PARN: variants seen among roughly 807,000 people sequenced by gnomAD.
PARN encodes poly(A)-specific ribonuclease, also known as poly(A)-specific ribonuclease PARN.
PARN carries 71 observed loss-of-function variants against 102.8 expected under a neutral mutation model. The ratio of observed to expected loss-of-function variants is 0.69; its 90% CI spans 0.57 to 0.84. The LOEUF (loss-of-function observed/expected upper bound fraction) is 0.84. PARN is among the 40% of genes least tolerant of loss of function. PARN has a pLI of 0.00. For synonymous variants in PARN, 261 were observed against 252.9 expected (o/e 1.03, Z -0.30); for missense variants, 782 against 760.9 (o/e 1.03, Z -0.33).
At chr16:14,622,916 C>T (rs1433649977) in intron 5 of PARN, among the ~76,000 whole-genome samples, 1 of 151,844 alleles carries the variant, frequency 6.6e-6, no homozygotes, top group Non-Finnish European at 1.5e-5. Flanking sequence ...CGAGCCAAGG[C>T]AACATGGTAA....
chr16:14,498,955 G>A (rs754055480), intron 21 of PARN, among the ~76,000 whole-genome samples: 1 of 152,194 alleles, frequency 6.6e-6, no homozygotes, highest in Non-Finnish European at 1.5e-5. Flanking sequence ...AACCCTGAAG[G>A]TCACCAAATG....
chr16:14,492,415 C>T (rs1964104668), intron 21 of PARN, among the ~76,000 whole-genome samples: 1 of 152,174 alleles, frequency 6.6e-6, no homozygotes, highest in Non-Finnish European at 1.5e-5. Flanking sequence ...GAGGTGTTTA[C>T]AGACAGCTTC....
At chr16:14,565,679 C>A (rs1229592393) in intron 18 of PARN, among the ~76,000 whole-genome samples, 1 of 152,216 alleles carries the variant, frequency 6.6e-6, no homozygotes, top group Admixed American at 6.5e-5. Flanking sequence ...GACACTAACA[C>A]TGTCTCTTAA....
At position 14,526,774 on chromosome 16, in the gene PARN, C is replaced by T. The variant is rs1012179388; in HGVS notation, c.1480+25247G>A. 2.6e-5 allele frequency among the ~76,000 whole-genome samples: 4 copies of T among 152,216 alleles called. No individual in the cohort carries two copies. In the South Asian group the frequency reaches 6.2e-4, roughly 24 times the overall value. Reference sequence around the variant, plus strand: ...TGCCTAACTATCCAGTACTTGGAGCCGTCCACGGTCACTGTGCCAGGGTTA... The same window carrying T: ...TGCCTAACTATCCAGTACTTGGAGCTGTCCACGGTCACTGTGCCAGGGTTA... On this transcript the variant is annotated intron_variant, in intron 21 of 23. Coordinates refer to ENST00000437198, the MANE Select transcript of PARN (RefSeq NM_002582.4).
At position 14,555,674 on chromosome 16, in the gene PARN, A is replaced by G; in HGVS notation, c.1298T>C (p.Leu433Pro). 6.7e-7 allele frequency: 1 copy of G among 1,483,658 alleles called. No homozygotes were observed. Among genetic ancestry groups the G allele is most frequent in the Non-Finnish European group, 9.2e-7 (1 of 1,090,092 alleles). The allele number at this position is 1,483,658 out of a possible 1,614,324, so 91.9% of individuals were successfully genotyped here. ...CTTACAGTCTGGTCCTTCCAAGTTT[A>G]GATAGGGGATATCCATGACCCTCAT... ...FLMRVMDIPY[L>P]NLEGPDLQPK... The change falls in exon 19 of 24, where the codon CTA becomes CCA. Residue 433 changes from leucine to proline, a missense_variant. Transcript: ENST00000437198.
At chr16:14,482,451 C>T (rs1963433317) in intron 22 of PARN, among the ~76,000 whole-genome samples, 187 bp downstream of exon 22, 1 of 152,068 alleles carries the variant, frequency 6.6e-6, no homozygotes, top group South Asian at 2.1e-4. Context: ...ACCAAAATGG[C>T]TATGGTCTAT....
intron 22 of PARN, among the ~76,000 whole-genome samples, chr16:14,478,706 T>A (rs992442839): frequency 1.3e-4 from 20 of 152,236 alleles, no homozygotes; most frequent in Admixed American, 1.3e-4. Flanking sequence ...TTATGGAATA[T>A]TTTAAAAAAT....
chr16:14,608,168 C>G lies in PARN; in HGVS notation c.659+113G>C. The G allele has an allele frequency of 3.9e-6, 3 of 760,352 alleles. No homozygotes were observed. In the South Asian group the frequency reaches 5.2e-5, roughly 13 times the overall value. 47.1% of individuals were successfully genotyped at this position (760,352 alleles called of 1,614,324 possible). ...GAAAGTAGGGGGAACTTCATGTAGTCAAATCACTGAGAACCGCAGAATTTC... is the reference window on the plus strand; with the variant it reads ...GAAAGTAGGGGGAACTTCATGTAGTGAAATCACTGAGAACCGCAGAATTTC... On this transcript the variant is annotated intron_variant, in intron 9 of 23. Transcript: ENST00000437198.
intron 22 of PARN, 80 bp downstream of exon 22, chr16:14,482,558 A>G: frequency 9.1e-7 from 1 of 1,102,548 alleles, no homozygotes; most frequent in South Asian, 1.6e-5. Flanking sequence ...CAGATTTAGT[A>G]CTTACAAACC....
chr16:14,445,515 G>C (rs1567283425), intron 23 of PARN, among the ~76,000 whole-genome samples: 1 of 152,102 alleles, frequency 6.6e-6, no homozygotes, highest in Non-Finnish European at 1.5e-5. Flanking sequence ...ATTGTGTCTG[G>C]GTCAGTGTCT....
intron 12 of PARN, among the ~76,000 whole-genome samples, chr16:14,593,622 G>C (rs1306110853): frequency 6.7e-6 from 1 of 150,240 alleles, no homozygotes; most frequent in Non-Finnish European, 1.5e-5. Flanking sequence ...TGATGTCACT[G>C]ATCTTTTTCT....
chr16:14,573,804 C>A (rs1042652929), intron 18 of PARN, among the ~76,000 whole-genome samples: 1 of 152,104 alleles, frequency 6.6e-6, no homozygotes, highest in Admixed American at 6.6e-5. Context: ...GTGAGATGTG[C>A]CTTTTACCTT....
intron 21 of PARN, among the ~76,000 whole-genome samples, chr16:14,528,287 C>A (rs1415260406): frequency 6.6e-6 from 1 of 152,188 alleles, no homozygotes; most frequent in Non-Finnish European, 1.5e-5. Context: ...CCACAAGAGG[C>A]TCCAAAGGAG....
At chr16:14,580,990 C>A (rs1203053122) in intron 17 of PARN, 47 bp from the exon 18 acceptor site, 1 of 1,188,470 alleles carries the variant, frequency 8.4e-7, no homozygotes, top group East Asian at 2.3e-5. Flanking sequence ...GTCACATAGA[C>A]CAAGCCTGAA....
intron 12 of PARN, among the ~76,000 whole-genome samples, chr16:14,597,029 C>T (rs761772637): frequency 4.6e-5 from 7 of 152,044 alleles, no homozygotes; most frequent in African/African-American, 1.4e-4. Flanking sequence ...TCCAGTGATC[C>T]GCCCCCCTTG....
At chr16:14,580,824 G>T in intron 18 of PARN, 50 bp downstream of exon 18, 1 of 1,055,194 alleles carries the variant, frequency 9.5e-7, no homozygotes, top group Non-Finnish European at 1.5e-6. Context: ...AAGATATGAG[G>T]CTGTTCCACA....
chr16:14,556,253 G>A (rs1178786840), intron 18 of PARN, among the ~76,000 whole-genome samples: 1 of 151,960 alleles, frequency 6.6e-6, no homozygotes, highest in East Asian at 1.9e-4. Flanking sequence ...CTGCCTCCCA[G>A]GTTCCAGCGA....
At chr16:14,555,760 G>T in intron 18 of PARN, 51 bp from the exon 19 acceptor site, 1 of 928,782 alleles carries the variant, frequency 1.1e-6, no homozygotes. Context: ...TTAAAAGACA[G>T]GCATTTTGCA....
At position 14,553,656 on chromosome 16, in the gene PARN, C is replaced by T. The variant is rs1055527688; in HGVS notation, c.1405+409G>A. Among the ~76,000 whole-genome samples, 58 of 152,330 alleles carry T rather than the reference C, an allele frequency of 3.8e-4. No individual in the cohort carries two copies. The Middle Eastern group carries it at 0.014, about 36-fold the overall frequency. On this transcript the variant is annotated intron_variant, in intron 20 of 23. Transcript: ENST00000437198. ...GAGAAGGACTGCCCTACCTCATACA[C>T]GTATCACAAATCCTGATCTACCCAA...
Sources: allele counts gnomAD v4.1 joint callset (sites outside exome capture counted in the v4.1 genomes callset), GRCh38; gene constraint gnomAD v4.1.1; transcripts MANE v1.5; gene names NCBI Gene and HGNC (gene_info 2026-07-23, HGNC 2026-07-21).